TECR: variants seen among roughly 807,000 people sequenced by gnomAD.
TECR encodes the protein trans-2,3-enoyl-CoA reductase.
A neutral mutation model predicts 50.6 loss-of-function variants in TECR; 19 were observed. The observed-to-expected ratio is 0.38, with a 90% CI of 0.26 to 0.55. TECR has a LOEUF of 0.55. Ranked by LOEUF, TECR falls within the 20% of genes least tolerant of loss-of-function variation. The pLI is 0.79. For synonymous variants in TECR, 168 were observed against 163.5 expected (o/e 1.03, Z -0.21); for missense variants, 313 against 408.3 (o/e 0.77, Z 2.01).
chr19:14,528,538 T>C (rs1046076287), upstream of TECR, among the ~76,000 whole-genome samples: 12 of 152,176 alleles, frequency 7.9e-5, 1 homozygote, highest in South Asian at 4.1e-4. Context: ...GTTCCCGGCC[T>C]GGACCAGCCC....
In TECR at chr19:14,563,625, C is replaced by A. The variant is rs1446327432; in HGVS notation, c.119-33C>A. The stretch of plus-strand genomic sequence containing the variant: ...AGCGGACCGGCTGAGCCCTGCCAGG[C>A]TGTGGGCTGTAACTGCCCTGTTCTC... On this transcript the variant is annotated intron_variant, in intron 3 of 12. Transcript: ENST00000215567. The surrounding 1 kb of genome is among the most constrained non-coding windows in gnomAD (Gnocchi z 5.3). The A allele has an allele frequency of 6.2e-6, 10 of 1,610,338 alleles. No homozygotes were observed. Among genetic ancestry groups the A allele is most frequent in the Non-Finnish European group, 8.5e-6 (10 of 1,179,752 alleles).
upstream of TECR, among the ~76,000 whole-genome samples, chr19:14,528,900 G>A (rs935026100): frequency 6.6e-6 from 1 of 152,088 alleles, no homozygotes; most frequent in Admixed American, 6.6e-5. Context: ...CCGTCATTGC[G>A]CCACTGCACT....
intron 1 of TECR, among the ~76,000 whole-genome samples, chr19:14,558,284 G>A (rs1041567359): frequency 2.6e-5 from 4 of 152,132 alleles, no homozygotes; most frequent in African/African-American, 9.7e-5. Context: ...GACAACGAGA[G>A]CCCCCCTTTT....
At chr19:14,549,291 C>T (rs1173586854) in intron 1 of TECR, among the ~76,000 whole-genome samples, 1 of 147,984 alleles carries the variant, frequency 6.8e-6, no homozygotes, top group Non-Finnish European at 1.5e-5. Flanking sequence ...CAGCTCACTG[C>T]AACCTCTGCC....
chr19:14,533,739 G>A (rs1293287870), intron 1 of TECR, among the ~76,000 whole-genome samples: 1 of 152,108 alleles, frequency 6.6e-6, no homozygotes, highest in East Asian at 1.9e-4. Flanking sequence ...CCACTCTGTG[G>A]CCTAATTGAG....
intron 1 of TECR, chr19:14,562,159 G>A (rs972182477): frequency 7.7e-5 from 45 of 584,588 alleles, no homozygotes; most frequent in Admixed American, 1.2e-4. Context: ...AGTCTGGGGT[G>A]GTTTTATATT....
chr19:14,558,773 T>TC (rs1308338214), intron 1 of TECR, among the ~76,000 whole-genome samples: 1 of 151,966 alleles, frequency 6.6e-6, no homozygotes, highest in Non-Finnish European at 1.5e-5. Context: ...TCCCAGCCCC[T>TC]CCGAGTGGCT....
chr19:14,565,512 C>A (rs1455315772), intron 11 of TECR, 106 bp from the exon 12 acceptor site: 10 of 1,517,558 alleles, frequency 6.6e-6, no homozygotes, highest in Non-Finnish European at 8.9e-6. Flanking sequence ...GGTTCCCATC[C>A]CTGACTCAGA....
intron 1 of TECR, among the ~76,000 whole-genome samples, chr19:14,561,397 A>G (rs994740057): frequency 6.6e-6 from 1 of 152,114 alleles, no homozygotes; most frequent in African/African-American, 2.4e-5. Flanking sequence ...TGACCCCTGC[A>G]TAGGGTGGGT....
chr19:14,560,452 G>A (rs990533508), intron 1 of TECR, among the ~76,000 whole-genome samples: 3 of 152,164 alleles, frequency 2.0e-5, no homozygotes, highest in Non-Finnish European at 4.4e-5. Context: ...CCCCGTGCCC[G>A]CCCAGGGCCC....
intron 1 of TECR, chr19:14,562,267 A>G: frequency 1.6e-6 from 1 of 606,730 alleles, no homozygotes; most frequent in Non-Finnish European, 2.9e-6. Flanking sequence ...ACCGCGGCAG[A>G]ATTTGATCGC....
intron 1 of TECR, chr19:14,533,860 C>T (rs1004712241): frequency 5.3e-5 from 8 of 152,112 alleles, no homozygotes; most frequent in African/African-American, 1.4e-4. Context: ...GGTCGGTAAG[C>T]GAACTGCTTA....
intron 1 of TECR, among the ~76,000 whole-genome samples, chr19:14,547,135 G>A (rs2073335412): frequency 6.6e-6 from 1 of 152,094 alleles, no homozygotes. Context: ...ATGTTAAAGA[G>A]CTTATTCATA....
At chr19:14,557,504 T>G (rs1333092004) in intron 1 of TECR, among the ~76,000 whole-genome samples, 1 of 149,938 alleles carries the variant, frequency 6.7e-6, no homozygotes, top group East Asian at 2.0e-4. Flanking sequence ...CAGGCTGGAG[T>G]GCAGTGGTGC....
upstream of TECR, among the ~76,000 whole-genome samples, chr19:14,528,656 G>A (rs1457488029): frequency 2.0e-5 from 3 of 152,040 alleles, no homozygotes; most frequent in East Asian, 5.8e-4. Flanking sequence ...AGTGTGGAGG[G>A]GGGCCGGGCG....
chr19:14,563,331 C>T lies in TECR; in HGVS notation c.118+74C>T, dbSNP rs2073960979. The T allele has an allele frequency of 7.3e-7, 1 of 1,360,766 alleles. No individual in the cohort carries two copies. The highest frequency in any genetic ancestry group is 1.8e-5 in the African/African-American group (1 of 55,136). 84.3% of individuals were successfully genotyped at this position (1,360,766 alleles called of 1,614,324 possible). Reference sequence around the variant, plus strand: ...GACCTTAGGGTGGGAGGGATCCCATCCTGCACCCCTCTCCCAGGGGCCTGC... The same window carrying T: ...GACCTTAGGGTGGGAGGGATCCCATTCTGCACCCCTCTCCCAGGGGCCTGC... On this transcript the variant is annotated intron_variant, in intron 3 of 12. Transcript: ENST00000215567. The surrounding 1 kb of genome is among the most constrained non-coding windows in gnomAD (Gnocchi z 5.3).
At chr19:14,534,474 C>T (rs2072792901) in intron 1 of TECR, among the ~76,000 whole-genome samples, 1 of 114,794 alleles carries the variant, frequency 8.7e-6, no homozygotes, top group Non-Finnish European at 1.6e-5. Flanking sequence ...CTCGCTCTGT[C>T]ACCCAGGCTG....
At chr19:14,564,350 C>G in intron 7 of TECR, 63 bp downstream of exon 7, 2 of 1,297,084 alleles carry the variant, frequency 1.5e-6, no homozygotes, top group Non-Finnish European at 2.1e-6. Flanking sequence ...GCCCCGCCCC[C>G]ACCGAGCCCC....
chr19:14,529,603 A>G lies in TECR; in HGVS notation c.-94A>G, dbSNP rs754965095. 2.5e-5 allele frequency: 40 copies of G among 1,594,336 alleles called. No individual in the cohort carries two copies. The highest frequency in any genetic ancestry group is 3.2e-5 in the Non-Finnish European group (37 of 1,163,184). On this transcript the variant is annotated 5_prime_UTR_variant, in exon 1 of 13. Coordinates refer to ENST00000215567, the MANE Select transcript of TECR (RefSeq NM_138501.6). ...GCGGACGCAGAGCCGCGTTTAGTCT[A>G]TCGCTGCGGTTGCGAGCGCTGTAGG... is the stretch of plus-strand genomic sequence containing the variant.
Sources: allele counts gnomAD v4.1 joint callset (sites outside exome capture counted in the v4.1 genomes callset), GRCh38; gene constraint gnomAD v4.1.1; non-coding constraint Gnocchi (gnomAD v3.1); transcripts MANE v1.5; gene names NCBI Gene and HGNC (gene_info 2026-07-23, HGNC 2026-07-21).